The following ARID5B variants were observed in gnomAD, a reference collection of about 807,000 sequenced individuals.
ARID5B encodes the protein AT-rich interaction domain 5B.
In ARID5B, 13 loss-of-function variants were observed where a neutral mutation model predicts 97.2. The ratio of observed to expected loss-of-function variants is 0.13; its 90% CI spans 0.09 to 0.21. The LOEUF (loss-of-function observed/expected upper bound fraction) is 0.21, where lower values mean the gene tolerates loss of function less well. Among genes scored for constraint, ARID5B ranks in the 10% least tolerant of loss-of-function variants. ARID5B has a pLI of 1.00. For synonymous variants in ARID5B, 556 were observed against 570.3 expected (o/e 0.97, Z 0.36); for missense variants, 1,210 against 1,465.3 (o/e 0.83, Z 2.84).
intron 4 of ARID5B, among the ~76,000 whole-genome samples, chr10:62,035,527 A>G (rs1464771633): frequency 4.6e-5 from 7 of 152,150 alleles, no homozygotes; most frequent in Admixed American, 3.3e-4. Flanking sequence ...AGTCTCACTC[A>G]TTGCCCAGGC....
At chr10:61,913,580 T>C (rs74156282) in intron 2 of ARID5B, among the ~76,000 whole-genome samples, 106 of 152,290 alleles carry the variant, frequency 7.0e-4, no homozygotes, top group African/African-American at 2.6e-3. Context: ...GGCTGCTCTC[T>C]TGAGGTCATG....
chr10:61,969,481 TAGAC>T (rs1174871832), intron 3 of ARID5B, among the ~76,000 whole-genome samples: 1 of 152,018 alleles, frequency 6.6e-6, no homozygotes, highest in Non-Finnish European at 1.5e-5. Context: ...TTCATTGAAA[TAGAC>T]AGGTCTTTGC....
intron 4 of ARID5B, among the ~76,000 whole-genome samples, chr10:62,013,456 TA>T (rs967205824): frequency 1.3e-5 from 2 of 152,186 alleles, no homozygotes; most frequent in African/African-American, 4.8e-5. Context: ...TAAGAATACT[TA>T]AAATCTATTC....
chr10:61,905,900 T>C (rs1379573623), intron 2 of ARID5B, among the ~76,000 whole-genome samples: 12 of 152,338 alleles, frequency 7.9e-5, no homozygotes, highest in African/African-American at 2.9e-4. Context: ...ATGGTGATGA[T>C]TTATATGCTT....
At chr10:61,908,525 C>T (rs112329356) in intron 2 of ARID5B, among the ~76,000 whole-genome samples, 118 of 152,152 alleles carry the variant, frequency 7.8e-4, no homozygotes, top group African/African-American at 2.7e-3. Flanking sequence ...AGAATGGCCT[C>T]GGCCAGGCAT....
At chr10:62,052,513 C>T (rs932157162) in intron 5 of ARID5B, among the ~76,000 whole-genome samples, 4 of 152,112 alleles carry the variant, frequency 2.6e-5, no homozygotes, top group Admixed American at 6.5e-5. Flanking sequence ...TACCTGAGCC[C>T]GGCAGGATAA....
intron 3 of ARID5B, among the ~76,000 whole-genome samples, chr10:61,942,138 A>T (rs1844421399): frequency 6.6e-6 from 1 of 152,222 alleles, no homozygotes; most frequent in African/African-American, 2.4e-5. Flanking sequence ...AAGAGTATTT[A>T]TAGCAAGGTT....
intron 3 of ARID5B, among the ~76,000 whole-genome samples, chr10:61,949,685 A>G (rs1251533231): frequency 6.6e-6 from 1 of 152,128 alleles, no homozygotes; most frequent in Non-Finnish European, 1.5e-5. Flanking sequence ...TGGATAAGAC[A>G]GTGAATTCAT....
rs528163660 is a variant in ARID5B, at chr10:62,095,627, G to A, written c.*2597G>A. On this transcript the variant is annotated 3_prime_UTR_variant, in exon 10 of 10. Transcript: ENST00000279873. ...GACAAATAAAGAGAAATGGGGGTAC[G>A]CATTCCCAACAGAAGCAGTGTGTTA... 1.7e-5 allele frequency: 4 copies of A among 233,216 alleles called. No homozygotes were observed. The highest frequency in any genetic ancestry group is 1.8e-4 in the South Asian group (1 of 5,528). 14.4% of individuals were successfully genotyped at this position (233,216 alleles called of 1,614,324 possible). A position where few individuals can be genotyped will look rare whatever the true frequency, so the allele number is the denominator to read the frequency against.
intron 4 of ARID5B, chr10:62,049,243 A>G: frequency 2.2e-6 from 3 of 1,375,308 alleles, no homozygotes; most frequent in Non-Finnish European, 2.8e-6. Context: ...CAACTCCAGC[A>G]AAGTCCTCAG....
At chr10:62,020,897 A>G (rs2132891171) in intron 4 of ARID5B, among the ~76,000 whole-genome samples, 1 of 151,934 alleles carries the variant, frequency 6.6e-6, no homozygotes, top group Non-Finnish European at 1.5e-5. Context: ...GAAAAAATGA[A>G]AAGGCCAAGC....
At chr10:61,913,312 C>T (rs1003920891) in intron 2 of ARID5B, among the ~76,000 whole-genome samples, 7 of 152,138 alleles carry the variant, frequency 4.6e-5, no homozygotes, top group Non-Finnish European at 8.8e-5. Flanking sequence ...TTGTTGATAA[C>T]GATGGTCAAG....
At chr10:61,954,293 G>C (rs1252494071) in intron 3 of ARID5B, among the ~76,000 whole-genome samples, 1 of 151,918 alleles carries the variant, frequency 6.6e-6, no homozygotes, top group Admixed American at 6.6e-5. Context: ...GGGGGTGGGG[G>C]TTGCAGTGAG....
chr10:61,909,349 G>T (rs188300953), intron 2 of ARID5B, among the ~76,000 whole-genome samples: 266 of 99,220 alleles, frequency 2.7e-3, no homozygotes, highest in African/African-American at 9.5e-3. Flanking sequence ...TTTTTGAGAC[G>T]GAGTCTCGCT....
chr10:61,988,936 CTTT>C (rs61016394), intron 3 of ARID5B, among the ~76,000 whole-genome samples: 1 of 122,258 alleles, frequency 8.2e-6, no homozygotes, highest in African/African-American at 3.1e-5. Flanking sequence ...TTTTCTTTTA[CTTT>C]TTTTTTTTTT....
intron 3 of ARID5B, among the ~76,000 whole-genome samples, chr10:61,986,492 T>G (rs1267681546): frequency 2.6e-5 from 4 of 152,074 alleles, no homozygotes; most frequent in Non-Finnish European, 5.9e-5. Flanking sequence ...GTCCCCAAAA[T>G]GTGATCAGGG....
In ARID5B at chr10:62,092,751, G is replaced by A. The variant is rs1406865250; in HGVS notation, c.3288G>A (p.Pro1096=). The A allele has an allele frequency of 1.9e-5, 30 of 1,613,972 alleles. No homozygotes were observed. The highest frequency in any genetic ancestry group is 2.4e-5 in the Non-Finnish European group (28 of 1,180,022). Residue 1096 remains proline (P), a synonymous_variant, in exon 10 of 10, where the codon CCG becomes CCA. Transcript: ENST00000279873. ...ACTCGGGCCTCAACTCCAGGCTCCC[G>A]GCTGGGTATTCTCATTCTCTGCAGT... ...LCNSGLNSRL[P]AGYSHSLQYL... is the part of the protein sequence containing the mutation.
At chr10:62,030,440 A>G (rs2132903979) in intron 4 of ARID5B, among the ~76,000 whole-genome samples, 1 of 152,264 alleles carries the variant, frequency 6.6e-6, no homozygotes, top group African/African-American at 2.4e-5. Flanking sequence ...CAATGCAGGT[A>G]TTTTAAGTAA....
chr10:62,010,216 G>A (rs10995003), intron 4 of ARID5B, among the ~76,000 whole-genome samples: 3,593 of 152,314 alleles, frequency 0.024, 199 homozygotes, highest in Admixed American at 0.14. Context: ...CAGTGGTAAA[G>A]GAGTGAGGTG....
Sources: gnomAD v4.1 joint callset for allele counts (sites outside exome capture counted in the v4.1 genomes callset) on GRCh38, gnomAD v4.1.1 for gene constraint, MANE v1.5 for transcripts, NCBI Gene and HGNC (gene_info 2026-07-23, HGNC 2026-07-21) for gene names.